Variants in CDH17 observed in about 807,000 individuals in gnomAD.
The protein encoded by CDH17 is cadherin-17.
A neutral mutation model predicts 86.3 loss-of-function variants in CDH17; 67 were observed. The ratio of observed to expected loss-of-function variants is 0.78; its 90% CI spans 0.64 to 0.95. The LOEUF (loss-of-function observed/expected upper bound fraction) is 0.95, where lower values mean the gene tolerates loss of function less well. Among genes scored for constraint, CDH17 ranks in the 40% least tolerant of loss-of-function variants. The pLI is 0.00. For missense variants in CDH17, 993 were observed against 1,017.6 expected (o/e 0.98, Z 0.33); for synonymous variants, 367 against 366.4 (o/e 1.00, Z -0.02).
At chr8:94,202,531 A>G (rs752343851) in intron 1 of CDH17, 3 of 156,480 alleles carry the variant, frequency 1.9e-5, no homozygotes, top group Non-Finnish European at 2.8e-5. Flanking sequence ...TCACAGAGGA[A>G]CTCCATGGAA....
At chr8:94,148,667 C>T in intron 14 of CDH17, 77 bp downstream of exon 14, 3 of 1,251,466 alleles carry the variant, frequency 2.4e-6, no homozygotes, top group Non-Finnish European at 3.2e-6. Context: ...TTTTCTTATC[C>T]TCCCTCCCAT....
intron 15 of CDH17, among the ~76,000 whole-genome samples, chr8:94,140,124 T>G (rs1040133438): frequency 6.6e-6 from 1 of 151,900 alleles, no homozygotes; most frequent in East Asian, 1.9e-4. Flanking sequence ...GAAAACACAA[T>G]GTATCAAATT....
At chr8:94,192,264 G>A (rs1207271765) in intron 2 of CDH17, among the ~76,000 whole-genome samples, 1 of 152,190 alleles carries the variant, frequency 6.6e-6, no homozygotes, top group Non-Finnish European at 1.5e-5. Context: ...GCTTTCCCCA[G>A]AAGTGGGAAA....
chr8:94,178,015 T>C (rs1459571222), intron 3 of CDH17, among the ~76,000 whole-genome samples: 2 of 152,214 alleles, frequency 1.3e-5, no homozygotes, highest in Non-Finnish European at 2.9e-5. Context: ...CTGAAATCTA[T>C]GACATTACTA....
At chr8:94,199,085 T>TATATA (rs1563589632) in intron 1 of CDH17, among the ~76,000 whole-genome samples, 20 of 17,862 alleles carry the variant, frequency 1.1e-3, no homozygotes, top group African/African-American at 2.6e-3. Context: ...ATATATATAT[T>TATATA]TTTTTTTTTT....
At chr8:94,142,579 T>C (rs1812660817) in intron 15 of CDH17, among the ~76,000 whole-genome samples, 1 of 152,240 alleles carries the variant, frequency 6.6e-6, no homozygotes, top group African/African-American at 2.4e-5. Context: ...TGATGCTGGT[T>C]GATGGCATTT....
intron 3 of CDH17, among the ~76,000 whole-genome samples, chr8:94,178,824 T>C (rs1813421899): frequency 6.6e-6 from 1 of 152,074 alleles, no homozygotes; most frequent in Admixed American, 6.6e-5. Context: ...TTTTTGTGCA[T>C]GTTTGCTTGT....
chr8:94,188,055 G>C (rs915899120), intron 3 of CDH17, among the ~76,000 whole-genome samples: 1 of 152,130 alleles, frequency 6.6e-6, no homozygotes, highest in African/African-American at 2.4e-5. Context: ...GAGGGGAACT[G>C]TCCAGCACAA....
At chr8:94,201,499 T>C (rs1273072177) in intron 1 of CDH17, among the ~76,000 whole-genome samples, 2 of 152,162 alleles carry the variant, frequency 1.3e-5, no homozygotes, top group Admixed American at 6.5e-5. Context: ...AAGAACACTG[T>C]GTGAATGTAC....
chr8:94,141,750 T>C (rs1261995349), intron 15 of CDH17, among the ~76,000 whole-genome samples: 2 of 152,178 alleles, frequency 1.3e-5, no homozygotes, highest in Non-Finnish European at 2.9e-5. Context: ...AATGGAGACA[T>C]ATACCATGTT....
chr8:94,165,098 T>A (rs143887002), intron 10 of CDH17, among the ~76,000 whole-genome samples: 1 of 152,220 alleles, frequency 6.6e-6, no homozygotes, highest in African/African-American at 2.4e-5. Flanking sequence ...GGAAATACAA[T>A]TCATTTTCCT....
In CDH17 at chr8:94,168,494, G is replaced by A. The variant is rs533097557; in HGVS notation, c.1066+1903C>T. Among the ~76,000 whole-genome samples the A allele has an allele frequency of 2.6e-5, 4 of 151,950 alleles. No homozygotes were observed. In the South Asian group the frequency reaches 8.3e-4, roughly 32 times the overall value. The stretch of plus-strand genomic sequence containing the variant: ...TTTGTGAATATTTCCACCTACTCAT[G>A]TCCTATCAGCTAAGCTAGACAGTAA... On this transcript the variant is annotated intron_variant, in intron 9 of 17. Transcript: ENST00000027335.
At chr8:94,130,188 C>A (rs1479309869) in intron 17 of CDH17, among the ~76,000 whole-genome samples, 1 of 152,150 alleles carries the variant, frequency 6.6e-6, no homozygotes, top group Non-Finnish European at 1.5e-5. Flanking sequence ...CTACACATTT[C>A]AGATATCTCA....
chr8:94,181,166 T>G (rs1031689199), intron 3 of CDH17, among the ~76,000 whole-genome samples: 4 of 152,066 alleles, frequency 2.6e-5, no homozygotes, highest in African/African-American at 9.7e-5. Context: ...TATATGCACC[T>G]AACAATGGAC....
At chr8:94,199,908 T>C (rs1285045483) in intron 1 of CDH17, among the ~76,000 whole-genome samples, 1 of 152,162 alleles carries the variant, frequency 6.6e-6, no homozygotes, top group African/African-American at 2.4e-5. Context: ...AGCGAGTTAA[T>C]ATTTGGAATA....
chr8:94,191,471 G>A (rs1393202735), intron 2 of CDH17, among the ~76,000 whole-genome samples: 2 of 118,756 alleles, frequency 1.7e-5, no homozygotes, highest in South Asian at 5.4e-4. Context: ...TTTTTTTTGA[G>A]ACAGAGTTTC....
chr8:94,156,294 G>A (rs1464153125), intron 12 of CDH17, among the ~76,000 whole-genome samples: 1 of 152,174 alleles, frequency 6.6e-6, no homozygotes, highest in Non-Finnish European at 1.5e-5. Context: ...GTGCACATTA[G>A]TTTTCCAGAT....
chr8:94,180,195 AAAAG>A (rs1440252580), intron 3 of CDH17, among the ~76,000 whole-genome samples: 2 of 152,112 alleles, frequency 1.3e-5, no homozygotes, highest in Admixed American at 1.3e-4. Context: ...TTGAGCTAGC[AAAAG>A]AAAGAATTTG....
chr8:94,209,649 G>C (rs1264056200), upstream of CDH17, among the ~76,000 whole-genome samples: 1 of 152,152 alleles, frequency 6.6e-6, no homozygotes, highest in Non-Finnish European at 1.5e-5. Flanking sequence ...GGTGGGTTCA[G>C]CAAAGGCCCT....
Sources: gnomAD v4.1 joint callset for allele counts (sites outside exome capture counted in the v4.1 genomes callset) on GRCh38, gnomAD v4.1.1 for gene constraint, MANE v1.5 for transcripts, NCBI Gene and HGNC (gene_info 2026-07-23, HGNC 2026-07-21) for gene names.